TMC2: variants seen among roughly 807,000 people sequenced by gnomAD.
TMC2 encodes transmembrane channel like 2, also known as transmembrane channel-like protein 2.
A neutral mutation model predicts 105.9 loss-of-function variants in TMC2; 102 were observed. The ratio of observed to expected loss-of-function variants is 0.96; its 90% confidence interval spans 0.82 to 1.14. TMC2 has a LOEUF of 1.14. Ranked by LOEUF, TMC2 falls within the 50% of genes most tolerant of loss-of-function variation. The pLI is 0.00. For missense variants in TMC2, 1,093 were observed against 1,134.3 expected (o/e 0.96, Z 0.52); for synonymous variants, 402 against 422.8 (o/e 0.95, Z 0.60).
intron 18 of TMC2, among the ~76,000 whole-genome samples, chr20:2,636,751 G>A (rs533530934): frequency 3.8e-5 from 5 of 132,868 alleles, no homozygotes; most frequent in African/African-American, 1.4e-4. Flanking sequence ...AGCCTCCCAA[G>A]TAGCTGGGAC....
chr20:2,639,993 A>T (rs2086677057), intron 19 of TMC2, among the ~76,000 whole-genome samples: 1 of 152,044 alleles, frequency 6.6e-6, no homozygotes, highest in African/African-American at 2.4e-5. Context: ...TTTGAACTTT[A>T]TTTTTTTGAG....
At chr20:2,566,177 T>C (rs2086063088) in intron 4 of TMC2, among the ~76,000 whole-genome samples, 1 of 152,234 alleles carries the variant, frequency 6.6e-6, no homozygotes, top group Non-Finnish European at 1.5e-5. Flanking sequence ...CTTCCTTCCC[T>C]TAACCTCTCT....
intron 1 of TMC2, 73 bp from the exon 2 acceptor site, chr20:2,537,196 C>A: frequency 7.1e-7 from 1 of 1,402,876 alleles, no homozygotes; most frequent in Non-Finnish European, 9.9e-7. Context: ...AGGGGTCCCA[C>A]AGTGACCGGG....
intron 8 of TMC2, among the ~76,000 whole-genome samples, chr20:2,594,429 C>T (rs980695384): frequency 5.3e-5 from 8 of 152,098 alleles, no homozygotes; most frequent in Non-Finnish European, 8.8e-5. Context: ...GGTTTCACTA[C>T]GTTAGCCAGG....
At chr20:2,639,401 T>C (rs1211971301) in intron 19 of TMC2, among the ~76,000 whole-genome samples, 1 of 152,228 alleles carries the variant, frequency 6.6e-6, no homozygotes, top group Non-Finnish European at 1.5e-5. Flanking sequence ...CTCTACCTTT[T>C]CTATGTTTAG....
In TMC2 at chr20:2,579,938, TTCTC is replaced by T; in HGVS notation, c.728-6_728-3del. Reference sequence around the variant, plus strand: ...CTGCAGCACTCATACCCACCGTCTTTTCTCTCTCTAGGTCACTTTGGTTCTTCAG... The same window carrying T: ...CTGCAGCACTCATACCCACCGTCTTTTCTCTAGGTCACTTTGGTTCTTCAG... On this transcript the variant is annotated splice_polypyrimidine_tract_variant and splice_region_variant and intron_variant, in intron 6 of 19. Transcript: ENST00000358864. 6.2e-7 allele frequency: 1 copy of T among 1,601,656 alleles called. No homozygotes were observed. Among genetic ancestry groups the T allele is most frequent in the Non-Finnish European group, 8.6e-7 (1 of 1,168,754 alleles).
chr20:2,612,174 T>C lies in TMC2; in HGVS notation c.1594-17T>C. Reference sequence around the variant, plus strand: ...CCCTAGCTCCTTCCTACCCCACACCTCCATCTTCTGTTCTAGCTTGCTAAT... The same window carrying C: ...CCCTAGCTCCTTCCTACCCCACACCCCCATCTTCTGTTCTAGCTTGCTAAT... On this transcript the variant is annotated splice_polypyrimidine_tract_variant and intron_variant, in intron 12 of 19. Coordinates refer to ENST00000358864, the MANE Select transcript of TMC2 (RefSeq NM_080751.3). 6.3e-7 allele frequency: 1 copy of C among 1,577,926 alleles called. No individual in the cohort carries two copies. The highest frequency in any genetic ancestry group is 8.7e-7 in the Non-Finnish European group (1 of 1,154,658).
chr20:2,589,269 C>CATGTGTGT (rs764448789), intron 7 of TMC2, among the ~76,000 whole-genome samples: 1 of 84,712 alleles, frequency 1.2e-5, no homozygotes, highest in Admixed American at 1.1e-4. Flanking sequence ...TCCTATTTGC[C>CATGTGTGT]CTGTGTGTGT....
At chr20:2,630,141 T>G (rs1051248867) in intron 17 of TMC2, among the ~76,000 whole-genome samples, 4 of 152,198 alleles carry the variant, frequency 2.6e-5, no homozygotes, top group African/African-American at 9.6e-5. Context: ...GAATTAGGAT[T>G]GTAGAAGACA....
At chr20:2,603,207 C>T in intron 11 of TMC2, among the ~76,000 whole-genome samples, 1 of 151,206 alleles carries the variant, frequency 6.6e-6, no homozygotes, top group East Asian at 1.9e-4. Context: ...AAAAGAACGA[C>T]CCAGTTAAGC....
intron 16 of TMC2, chr20:2,618,482 G>A (rs1284577483): frequency 6.6e-6 from 1 of 152,172 alleles, no homozygotes; most frequent in African/African-American, 2.4e-5. Flanking sequence ...TGGATATTCT[G>A]AGGATGAATT....
Position 2,616,973 on chromosome 20 carries a change from C to T in TMC2, c.1941-99C>T. 3.5e-6 allele frequency: 5 copies of T among 1,434,144 alleles called. No homozygotes were observed. The highest frequency in any genetic ancestry group is 2.4e-4 in the Middle Eastern group (1 of 4,240). 88.8% of individuals were successfully genotyped at this position (1,434,144 alleles called of 1,614,324 possible). A position where few individuals can be genotyped will look rare whatever the true frequency, so the allele number is the denominator to read the frequency against. ...GGGACTTGCCAGGAAAGCAGCTCGG[C>T]CTCATGCCCCTAACCCATCCGTCCC... On this transcript the variant is annotated intron_variant, in intron 15 of 19. Coordinates refer to ENST00000358864, the MANE Select transcript of TMC2 (RefSeq NM_080751.3). This position sits in a 1 kb window ranked among gnomAD's most constrained non-coding sequence, Gnocchi z 4.8.
intron 17 of TMC2, among the ~76,000 whole-genome samples, chr20:2,631,406 C>T (rs997186370): frequency 6.6e-6 from 1 of 152,212 alleles, no homozygotes; most frequent in Non-Finnish European, 1.5e-5. Context: ...AGTGTCCTTT[C>T]GTTTTAACCT....
intron 11 of TMC2, 35 bp downstream of exon 11, chr20:2,602,336 T>C: frequency 6.8e-7 from 1 of 1,465,520 alleles, no homozygotes; most frequent in Non-Finnish European, 9.2e-7. Context: ...TGAAGGTTGA[T>C]GGCAAATACT....
At chr20:2,626,610 AT>A (rs1310093823) in intron 17 of TMC2, among the ~76,000 whole-genome samples, 1 of 152,238 alleles carries the variant, frequency 6.6e-6, no homozygotes, top group East Asian at 1.9e-4. Flanking sequence ...GAGTCATAGT[AT>A]TGTGGCCATC....
At position 2,546,096 on chromosome 20, in the gene TMC2, GT is replaced by G. The variant is rs2085924733; in HGVS notation, c.82+8781del. On this transcript the variant is annotated intron_variant, in intron 2 of 19. Coordinates refer to ENST00000358864, the MANE Select transcript of TMC2 (RefSeq NM_080751.3). ...AGCTCTCACAAAAGGTCCCCAAGTA[GT>G]GTTTTATGGAGGCAGGGCCCTTCTA... Among the ~76,000 whole-genome samples, 6 of 152,276 alleles carry G rather than the reference GT, an allele frequency of 3.9e-5. No homozygotes were observed. The South Asian group carries it at 1.2e-3, about 32-fold the overall frequency.
intron 16 of TMC2, 43 bp downstream of exon 16, chr20:2,617,354 C>G (rs1378075598): frequency 6.2e-7 from 1 of 1,611,424 alleles, no homozygotes; most frequent in Non-Finnish European, 8.5e-7. Context: ...CCTCCCGAGG[C>G]AGTCTGCTCA....
chr20:2,543,242 T>TA (rs1433153931), intron 2 of TMC2, among the ~76,000 whole-genome samples: 1 of 151,840 alleles, frequency 6.6e-6, no homozygotes, highest in Non-Finnish European at 1.5e-5. Context: ...GTCTCAAAAA[T>TA]AAAATAAAAT....
chr20:2,572,237 C>T lies in TMC2; in HGVS notation c.613C>T (p.Gln205Ter). ...EGALGKGKGK[Q>*]LYAYKMLMAK... ...TGCCTTGGGAAAGGGGAAAGGCAAGCAACTATATGCCTACAAGATGCTGAT... is the reference window on the plus strand; with the variant it reads ...TGCCTTGGGAAAGGGGAAAGGCAAGTAACTATATGCCTACAAGATGCTGAT... Residue 205 changes from glutamine to a stop codon, truncating the protein, a stop_gained, in exon 5 of 20, where the codon CAA (glutamine) becomes TAA (stop). Transcript: ENST00000358864. LOFTEE classifies it high-confidence loss of function. 6.2e-7 allele frequency: 1 copy of T among 1,612,848 alleles called. No individual in the cohort carries two copies. Among genetic ancestry groups the T allele is most frequent in the South Asian group, 1.1e-5 (1 of 91,058 alleles).
Sources: allele counts gnomAD v4.1 joint callset (sites outside exome capture counted in the v4.1 genomes callset), GRCh38; gene constraint gnomAD v4.1.1; non-coding constraint Gnocchi (gnomAD v3.1); transcripts MANE v1.5; gene names NCBI Gene and HGNC (gene_info 2026-07-23, HGNC 2026-07-21).